Variants in VPS50 observed in about 807,000 individuals in gnomAD.
VPS50 encodes the protein syndetin.
Under a neutral mutation model 139.7 loss-of-function variants are expected in VPS50, and 70 were observed. The ratio of observed to expected loss-of-function variants is 0.50; its 90% CI spans 0.41 to 0.61. VPS50 has a LOEUF of 0.61. Among genes scored for constraint, VPS50 ranks in the 20% least tolerant of loss-of-function variants. VPS50 has a pLI of 0.00. For missense variants in VPS50, 921 were observed against 1,133.7 expected (o/e 0.81, Z 2.69); for synonymous variants, 365 against 376.7 (o/e 0.97, Z 0.36).
rs1355343409 is a variant in VPS50, at chr7:93,253,922, G to A, written c.288G>A (p.Gln96=). 1.3e-6 allele frequency: 2 copies of A among 1,575,572 alleles called. No individual in the cohort carries two copies. The highest frequency in any genetic ancestry group is 1.7e-6 in the Non-Finnish European group (2 of 1,150,390). ...CGTATAGAGACAAATTGAAACAACA[G>A]CAAGCTGCAGTAAGTAAAAAAAAAA... ...LEAYRDKLKQ[Q]QAAVSKKVAD... is the part of the protein sequence containing the mutation. Residue 96 remains glutamine, a synonymous_variant, in exon 4 of 28, where the codon CAG becomes CAA. Coordinates refer to ENST00000305866, the MANE Select transcript of VPS50 (RefSeq NM_017667.4).
At chr7:93,255,659 C>T (rs142198561) in intron 4 of VPS50, among the ~76,000 whole-genome samples, 10 of 152,274 alleles carry the variant, frequency 6.6e-5, no homozygotes, top group African/African-American at 2.2e-4. Flanking sequence ...AATGGAATCC[C>T]TCTTTCTAGA....
chr7:93,233,489 A>G (rs1411352904), intron 1 of VPS50, among the ~76,000 whole-genome samples: 1 of 152,226 alleles, frequency 6.6e-6, no homozygotes, highest in African/African-American at 2.4e-5. Context: ...TTGAGAATTC[A>G]CAATTTGAGA....
At chr7:93,301,162 T>G (rs1010459115) in intron 16 of VPS50, among the ~76,000 whole-genome samples, 1 of 151,894 alleles carries the variant, frequency 6.6e-6, no homozygotes, top group African/African-American at 2.4e-5. Flanking sequence ...CCGGGCGTGG[T>G]GGCGGGTGCC....
intron 22 of VPS50, among the ~76,000 whole-genome samples, chr7:93,339,277 A>G (rs956473724): frequency 4.0e-5 from 6 of 151,676 alleles, no homozygotes; most frequent in East Asian, 1.9e-4. Flanking sequence ...TTAAATGCTA[A>G]TTGAGTAATT....
At chr7:93,263,827 A>G (rs1453823632) in intron 9 of VPS50, among the ~76,000 whole-genome samples, 1 of 152,202 alleles carries the variant, frequency 6.6e-6, no homozygotes, top group Non-Finnish European at 1.5e-5. Flanking sequence ...ACCAGCTGAA[A>G]ATGGAAAATA....
chr7:93,237,011 A>C (rs976911164), intron 1 of VPS50, among the ~76,000 whole-genome samples: 14 of 116,654 alleles, frequency 1.2e-4, no homozygotes, highest in African/African-American at 2.3e-4. Context: ...AGTGCAGTGG[A>C]GCGATCTCGG....
chr7:93,355,081 A>G (rs1034892451), intron 26 of VPS50, among the ~76,000 whole-genome samples: 1 of 151,884 alleles, frequency 6.6e-6, no homozygotes, highest in Non-Finnish European at 1.5e-5. Context: ...CGAAATGTGA[A>G]TAATATATGT....
At position 93,276,218 on chromosome 7, in the gene VPS50, G is replaced by A. The variant is rs1796148949; in HGVS notation, c.855G>A (p.Val285=). ...MHFTQAIHNT[V]FQVVLGYVEL... ...TCACCCAAGCCATTCACAACACCGT[G>A]TTTCAAGTTGTTCTTGGTTATGTGG... The change falls in exon 12 of 28, where the codon GTG becomes GTA. Residue 285 remains valine (V), a synonymous_variant. Transcript: ENST00000305866. 1 of 1,613,530 alleles carries A rather than the reference G, an allele frequency of 6.2e-7. No individual in the cohort carries two copies.
intron 21 of VPS50, among the ~76,000 whole-genome samples, chr7:93,331,586 A>G (rs899806452): frequency 1.3e-5 from 2 of 152,178 alleles, no homozygotes; most frequent in Admixed American, 6.5e-5. Context: ...CAAGAATATA[A>G]ATAAACATTG....
At chr7:93,343,925 C>T (rs1221291593) in intron 23 of VPS50, among the ~76,000 whole-genome samples, 2 of 152,100 alleles carry the variant, frequency 1.3e-5, no homozygotes, top group Admixed American at 6.6e-5. Context: ...CATCAACTAA[C>T]GAGCAAAATA....
chr7:93,254,397 G>A (rs1274761550), intron 4 of VPS50, among the ~76,000 whole-genome samples: 3 of 152,154 alleles, frequency 2.0e-5, no homozygotes, highest in Non-Finnish European at 4.4e-5. Context: ...AGCCTCCTGA[G>A]TAGTTGGGAT....
intron 19 of VPS50, 38 bp from the exon 20 acceptor site, chr7:93,311,128 A>G (rs1797254862): frequency 1.2e-6 from 1 of 866,474 alleles, no homozygotes; most frequent in African/African-American, 1.6e-5. Flanking sequence ...TTATTACTTG[A>G]CAACTCTAGC....
At chr7:93,258,534 A>G (rs1354015461) in intron 8 of VPS50, 142 bp downstream of exon 8, 1 of 654,136 alleles carries the variant, frequency 1.5e-6, no homozygotes, top group Non-Finnish European at 2.6e-6. Flanking sequence ...TAGACGTCAA[A>G]GATTCTTGCT....
intron 12 of VPS50, among the ~76,000 whole-genome samples, chr7:93,289,504 CA>C (rs1428620300): frequency 6.6e-6 from 1 of 151,930 alleles, no homozygotes. Flanking sequence ...TTTTGCTATA[CA>C]AATTGTACTT....
intron 4 of VPS50, among the ~76,000 whole-genome samples, chr7:93,256,082 A>G (rs1328640409): frequency 6.6e-6 from 1 of 152,216 alleles, no homozygotes; most frequent in Non-Finnish European, 1.5e-5. Flanking sequence ...TTCTTAGGCA[A>G]CATAAAGGAT....
At chr7:93,334,024 A>G (rs1798006059) in intron 21 of VPS50, 93 bp from the exon 22 acceptor site, 17 of 775,574 alleles carry the variant, frequency 2.2e-5, no homozygotes, top group Non-Finnish European at 3.4e-5. Context: ...TAAGTATCTG[A>G]GTGAAAACTC....
chr7:93,346,556 A>G (rs891895485), intron 23 of VPS50, among the ~76,000 whole-genome samples: 6 of 151,916 alleles, frequency 3.9e-5, no homozygotes, highest in African/African-American at 1.2e-4. Context: ...GAGGCATCAC[A>G]CTACCTGACT....
At chr7:93,341,081 G>A (rs1295443176) in intron 22 of VPS50, among the ~76,000 whole-genome samples, 4 of 152,180 alleles carry the variant, frequency 2.6e-5, no homozygotes, top group East Asian at 3.8e-4. Flanking sequence ...TGGTTCTCAA[G>A]GGGTAATCAT....
At chr7:93,312,189 C>T (rs1244136281) in intron 20 of VPS50, among the ~76,000 whole-genome samples, 1 of 152,004 alleles carries the variant, frequency 6.6e-6, no homozygotes. Context: ...AAAGGTATAC[C>T]TTTTCATGAT....
Sources: gnomAD v4.1 joint callset for allele counts (sites outside exome capture counted in the v4.1 genomes callset) on GRCh38, gnomAD v4.1.1 for gene constraint, MANE v1.5 for transcripts, NCBI Gene and HGNC (gene_info 2026-07-23, HGNC 2026-07-21) for gene names.